BMERB1: variants seen among roughly 807,000 people sequenced by gnomAD.
BMERB1 encodes the protein bMERB domain containing 1, also known as bMERB domain-containing protein 1.
Under a neutral mutation model 23.6 loss-of-function variants are expected in BMERB1, and 12 were observed. The observed-to-expected ratio is 0.51, with a 90% CI of 0.33 to 0.82. BMERB1 has a LOEUF of 0.82. Among genes scored for constraint, BMERB1 ranks in the 40% least tolerant of loss-of-function variants. The pLI is 0.03. For synonymous variants in BMERB1, 122 were observed against 96.6 expected (o/e 1.26, Z -1.54); for missense variants, 247 against 255.4 (o/e 0.97, Z 0.22).
intron 1 of BMERB1, among the ~76,000 whole-genome samples, chr16:15,510,100 A>G (rs2051644862): frequency 6.6e-6 from 1 of 152,192 alleles, no homozygotes; most frequent in Non-Finnish European, 1.5e-5. Flanking sequence ...GAAAAGATCC[A>G]TCCCTAGAGC....
chr16:15,497,310 C>T (rs566242246), intron 1 of BMERB1, among the ~76,000 whole-genome samples: 5 of 152,066 alleles, frequency 3.3e-5, no homozygotes, highest in Non-Finnish European at 5.9e-5. Context: ...GAACTTGGGA[C>T]GGGCAAGGAA....
intron 1 of BMERB1, 126 bp downstream of exon 1, chr16:15,434,885 G>A: frequency 1.3e-6 from 1 of 757,294 alleles, no homozygotes; most frequent in East Asian, 2.7e-5. Context: ...AGCGGGGCTG[G>A]CAGCTCAGGG....
At chr16:15,543,115 TG>T (rs1260005963) in intron 2 of BMERB1, among the ~76,000 whole-genome samples, 5 of 151,992 alleles carry the variant, frequency 3.3e-5, no homozygotes, top group Non-Finnish European at 7.4e-5. Flanking sequence ...TGGCTCTCAG[TG>T]GAAGGGGAGC....
At position 15,437,874 on chromosome 16, in the gene BMERB1, C is replaced by A. The variant is rs192242804; in HGVS notation, c.106+3115C>A. 2.0e-4 allele frequency among the ~76,000 whole-genome samples: 31 copies of A among 151,884 alleles called. No individual in the cohort carries two copies. In the East Asian group the frequency reaches 5.3e-3, roughly 26 times the overall value. ...CGGGGAGGCTGACACAGGAGAATGGCGTGAACCTGGGAGGCGGAGCTTGCA... is the reference window on the plus strand; with the variant it reads ...CGGGGAGGCTGACACAGGAGAATGGAGTGAACCTGGGAGGCGGAGCTTGCA... On this transcript the variant is annotated intron_variant, in intron 1 of 5. Transcript: ENST00000300006.
intron 1 of BMERB1, among the ~76,000 whole-genome samples, chr16:15,502,860 C>T (rs1480794796): frequency 6.6e-6 from 1 of 152,056 alleles, no homozygotes. Context: ...AGAGATGGTC[C>T]CCATGACCAT....
intron 2 of BMERB1, among the ~76,000 whole-genome samples, chr16:15,565,029 A>T (rs1177219758): frequency 6.6e-6 from 1 of 152,050 alleles, no homozygotes; most frequent in Non-Finnish European, 1.5e-5. Flanking sequence ...AGTGGTTAAT[A>T]AATAGTTTTA....
chr16:15,463,052 CAG>C (rs973349444), intron 1 of BMERB1, among the ~76,000 whole-genome samples: 1 of 151,794 alleles, frequency 6.6e-6, no homozygotes. Context: ...AATGATCTGT[CAG>C]AGAGAGAACA....
At chr16:15,546,303 C>G (rs1827531838) in intron 2 of BMERB1, among the ~76,000 whole-genome samples, 1 of 152,060 alleles carries the variant, frequency 6.6e-6, no homozygotes, top group Non-Finnish European at 1.5e-5. Context: ...CACAAACAAA[C>G]AAACAACAAA....
rs1567509996 is a variant in BMERB1 at position 15,587,889 on chromosome 16, G to GTAGT, written c.*1064_*1067dup. ...TGTGTGTGTGTCGTGACCAGCCTAA[G>GTAGT]TAGTTAGCATAACTCAAGATGCTGA... On this transcript the variant is annotated 3_prime_UTR_variant, in exon 6 of 6. Coordinates refer to ENST00000300006, the MANE Select transcript of BMERB1 (RefSeq NM_033201.3). 1 of 159,422 alleles carries GTAGT rather than the reference G, an allele frequency of 6.3e-6. No individual in the cohort carries two copies. Among genetic ancestry groups the GTAGT allele is most frequent in the African/African-American group, 2.4e-5 (1 of 41,594 alleles). The allele number at this position is 159,422 out of a possible 1,614,324, so 9.9% of individuals were successfully genotyped here. A position where few individuals can be genotyped will look rare whatever the true frequency, so the allele number is the denominator to read the frequency against.
At chr16:15,481,636 T>G (rs991430511) in intron 1 of BMERB1, among the ~76,000 whole-genome samples, 3 of 152,118 alleles carry the variant, frequency 2.0e-5, no homozygotes. Flanking sequence ...TTTCTTTCCT[T>G]TTTAAAACCT....
At chr16:15,455,465 A>G in intron 1 of BMERB1, among the ~76,000 whole-genome samples, 1 of 151,462 alleles carries the variant, frequency 6.6e-6, no homozygotes, top group African/African-American at 2.4e-5. Context: ...AATTTTATTT[A>G]TTTATTTATT....
intron 3 of BMERB1, among the ~76,000 whole-genome samples, chr16:15,568,865 T>C (rs986206156): frequency 6.6e-6 from 1 of 152,024 alleles, no homozygotes; most frequent in African/African-American, 2.4e-5. Context: ...CTCCAAAAAA[T>C]TTTCCCCTGC....
chr16:15,435,080 C>T (rs1377182917), intron 1 of BMERB1, among the ~76,000 whole-genome samples: 1 of 152,244 alleles, frequency 6.6e-6, no homozygotes, highest in African/African-American at 2.4e-5. Flanking sequence ...TCTCCCACAG[C>T]CCAGGGAGGA....
At chr16:15,465,888 G>T (rs902839188) in intron 1 of BMERB1, among the ~76,000 whole-genome samples, 4 of 152,108 alleles carry the variant, frequency 2.6e-5, no homozygotes, top group African/African-American at 9.7e-5. Context: ...ATGTTTTCAG[G>T]ATTTATGCAT....
rs532637929 is a variant in BMERB1 at position 15,503,588 on chromosome 16, G to A, written c.107-11717G>A. Among the ~76,000 whole-genome samples the A allele has an allele frequency of 1.3e-4, 19 of 151,542 alleles. No individual in the cohort carries two copies. The South Asian group carries it at 3.5e-3, about 28-fold the overall frequency. ...GCTGGGATTACAGGCATGAGCCACC[G>A]CGCCCGGCCAACATCCAAGGATTTT... On this transcript the variant is annotated intron_variant, in intron 1 of 5. Transcript: ENST00000300006.
At position 15,586,706 on chromosome 16, in the gene BMERB1, T is replaced by G. The variant is rs775574264; in HGVS notation, c.503-11T>G. ...TTCTCCCCCTCTCCCTGTGCCCACA[T>G]CTTGCTGCAGGCTCCCGGGCAGAGA... is the stretch of plus-strand genomic sequence containing the variant. On this transcript the variant is annotated splice_polypyrimidine_tract_variant and intron_variant, in intron 5 of 5. Transcript: ENST00000300006. The G allele has an allele frequency of 6.3e-7, 1 of 1,598,896 alleles. No individual in the cohort carries two copies. Among genetic ancestry groups the G allele is most frequent in the East Asian group, 2.3e-5 (1 of 44,412 alleles).
chr16:15,529,126 G>C (rs142784120), intron 2 of BMERB1, among the ~76,000 whole-genome samples: 1 of 152,052 alleles, frequency 6.6e-6, no homozygotes, highest in East Asian at 1.9e-4. Context: ...CCAGGTTCAC[G>C]CCATTCTCCT....
chr16:15,506,314 T>C (rs1326566111), intron 1 of BMERB1, among the ~76,000 whole-genome samples: 1 of 152,034 alleles, frequency 6.6e-6, no homozygotes, highest in Admixed American at 6.6e-5. Flanking sequence ...TAGCTGGGAC[T>C]ACAGGTGCCC....
At chr16:15,496,117 G>A (rs2051470956) in intron 1 of BMERB1, among the ~76,000 whole-genome samples, 1 of 145,438 alleles carries the variant, frequency 6.9e-6, no homozygotes, top group South Asian at 2.1e-4. Flanking sequence ...AGTAATGATG[G>A]TGATAATGGT....
Sources: gnomAD v4.1 joint callset for allele counts (sites outside exome capture counted in the v4.1 genomes callset) on GRCh38, gnomAD v4.1.1 for gene constraint, MANE v1.5 for transcripts, NCBI Gene and HGNC (gene_info 2026-07-23, HGNC 2026-07-21) for gene names.